HDLBP: variants seen among roughly 807,000 people sequenced by gnomAD.
HDLBP encodes high density lipoprotein binding protein, also known as vigilin.
HDLBP carries 30 observed loss-of-function variants against 137.3 expected under a neutral mutation model. The ratio of observed to expected loss-of-function variants is 0.22; its 90% confidence interval spans 0.16 to 0.30. The LOEUF (loss-of-function observed/expected upper bound fraction) is 0.30. HDLBP is among the 10% of genes least tolerant of loss of function. The pLI is 1.00. For missense variants in HDLBP, 1,119 were observed against 1,667.3 expected (o/e 0.67, Z 5.73); for synonymous variants, 606 against 596.0 (o/e 1.02, Z -0.24).
At position 241,254,638 on chromosome 2, in the gene HDLBP, C is replaced by T. The variant is rs895478763; in HGVS notation, c.1188+413G>A. Among the ~76,000 whole-genome samples, 7 of 152,204 alleles carry T rather than the reference C, an allele frequency of 4.6e-5. No homozygotes were observed. The South Asian group carries it at 1.5e-3, about 32-fold the overall frequency. Reference sequence around the variant, plus strand: ...CAGCTGGGACCACAGGTGCCCGCCACCAAGCCCGGCTAATTTTTTGTATTT... The same window carrying T: ...CAGCTGGGACCACAGGTGCCCGCCATCAAGCCCGGCTAATTTTTTGTATTT... On this transcript the variant is annotated intron_variant, in intron 9 of 27. Coordinates refer to ENST00000310931, the MANE Select transcript of HDLBP (RefSeq NM_005336.6).
intron 12 of HDLBP, chr2:241,249,295 TA>T: frequency 2.1e-6 from 1 of 470,814 alleles, no homozygotes; most frequent in Admixed American, 2.3e-5. Flanking sequence ...ACTCACGCAG[TA>T]TTTGACTTCT....
chr2:241,234,099 T>C lies in HDLBP; in HGVS notation c.3145-136A>G, dbSNP rs574021603. The stretch of plus-strand genomic sequence containing the variant: ...ACCCGTGGTCCGGAATGGTCCGCCA[T>C]CTCTCTGGTCCGACCTCTGCCACCT... On this transcript the variant is annotated intron_variant, in intron 23 of 27. Coordinates refer to ENST00000310931, the MANE Select transcript of HDLBP (RefSeq NM_005336.6). 6.2e-5 allele frequency: 59 copies of C among 953,896 alleles called. No homozygotes were observed. In the South Asian group the frequency reaches 9.2e-4, roughly 15 times the overall value. 59.1% of individuals were successfully genotyped at this position (953,896 alleles called of 1,614,324 possible).
intron 11 of HDLBP, 50 bp downstream of exon 11, chr2:241,252,907 C>A: frequency 2.3e-6 from 3 of 1,293,618 alleles, no homozygotes; most frequent in African/African-American, 1.5e-5. Flanking sequence ...ACACCCCCCA[C>A]AAGGGTCTCA....
chr2:241,253,736 T>G (rs2149473931), intron 9 of HDLBP, among the ~76,000 whole-genome samples: 1 of 152,322 alleles, frequency 6.6e-6, no homozygotes, highest in African/African-American at 2.4e-5. Context: ...GGACACCGTT[T>G]GCCCCACAGA....
chr2:241,303,048 G>A (rs1011885936), intron 1 of HDLBP, among the ~76,000 whole-genome samples: 7 of 152,158 alleles, frequency 4.6e-5, no homozygotes, highest in East Asian at 3.9e-4. Context: ...AATTCACACC[G>A]CAAAAGTTCC....
At chr2:241,254,947 T>C (rs1257194428) in intron 9 of HDLBP, 104 bp downstream of exon 9, 1 of 887,594 alleles carries the variant, frequency 1.1e-6, no homozygotes, top group Non-Finnish European at 1.9e-6. Context: ...AATACACCAG[T>C]TTTCAAGGGC....
At chr2:241,244,111 G>A (rs755805014) in intron 16 of HDLBP, among the ~76,000 whole-genome samples, 7 of 152,136 alleles carry the variant, frequency 4.6e-5, no homozygotes, top group Non-Finnish European at 8.8e-5. Flanking sequence ...AATGATATTA[G>A]ATGAAATGAG....
Position 241,259,021 on chromosome 2 carries a change from T to C in HDLBP, c.451-2215A>G, listed in dbSNP as rs557222179. On this transcript the variant is annotated intron_variant, in intron 5 of 27. Transcript: ENST00000310931. Reference sequence around the variant, plus strand: ...AACAGGAAATAGCATATGCACACGATTGCTACTGTAACATAATTTGTAACA... The same window carrying C: ...AACAGGAAATAGCATATGCACACGACTGCTACTGTAACATAATTTGTAACA... 3.9e-5 allele frequency among the ~76,000 whole-genome samples: 6 copies of C among 152,318 alleles called. No homozygotes were observed. In the South Asian group the frequency reaches 1.2e-3, roughly 32 times the overall value.
chr2:241,247,411 C>A, intron 14 of HDLBP: 1 of 479,846 alleles, frequency 2.1e-6, no homozygotes, highest in East Asian at 4.0e-5. Context: ...AAGGAAGGGG[C>A]TCAGAACACA....
At chr2:241,296,902 C>T (rs2075200776) in intron 1 of HDLBP, among the ~76,000 whole-genome samples, 1 of 152,234 alleles carries the variant, frequency 6.6e-6, no homozygotes, top group Non-Finnish European at 1.5e-5. Flanking sequence ...GTGAGGCTCA[C>T]AACAGCATGC....
rs910426842 is a variant in HDLBP at position 241,272,402 on chromosome 2, G to A, written c.-102-3861C>T. The A allele has an allele frequency of 6.1e-6, 6 of 984,266 alleles. No individual in the cohort carries two copies. The highest frequency in any genetic ancestry group is 5.2e-4 in the Middle Eastern group (1 of 1,934). 61.0% of individuals were successfully genotyped at this position (984,266 alleles called of 1,614,324 possible). ...CGCCCCTCCGCGCCGTGCGGCCACG[G>A]CACCAGGGGTGCCCCACCGAAGCCC... On this transcript the variant is annotated intron_variant, in intron 1 of 27. Transcript: ENST00000310931. This position sits in a 1 kb window ranked among gnomAD's most constrained non-coding sequence, Gnocchi z 5.6.
chr2:241,241,344 G>C (rs1204216252), intron 17 of HDLBP, among the ~76,000 whole-genome samples: 1 of 151,968 alleles, frequency 6.6e-6, no homozygotes, highest in Non-Finnish European at 1.5e-5. Flanking sequence ...GAGGCGGGCG[G>C]ATCACGAGGT....
At chr2:241,253,100 C>T (rs2072329062) in intron 10 of HDLBP, 65 bp from the exon 11 acceptor site, 1 of 1,201,960 alleles carries the variant, frequency 8.3e-7, no homozygotes, top group Non-Finnish European at 1.2e-6. Flanking sequence ...TGAACCAAAA[C>T]CCAGCAGTCT....
Position 241,236,658 on chromosome 2 carries a change from G to C in HDLBP, c.2861C>G (p.Ser954Cys). The C allele has an allele frequency of 6.2e-7, 1 of 1,614,184 alleles. No homozygotes were observed. The highest frequency in any genetic ancestry group is 8.5e-7 in the Non-Finnish European group (1 of 1,180,028). Residue 954 changes from serine (S) to cysteine (C), a missense_variant, in exon 21 of 28, where the codon TCT becomes TGT. Ser to Cys is a moderately radical substitution (Grantham distance 112, BLOSUM62 -1). Around this residue, in one of 4 missense-constraint regions of HDLBP, gnomAD observed 618 missense variants for 816.7 expected, o/e 0.76. Coordinates refer to ENST00000310931, the MANE Select transcript of HDLBP (RefSeq NM_005336.6). ...SPRRCDIIII[S>C]GRKEKCEAAK... ...AGCCTCACACTTTTCTTTCCGGCCA[G>C]AGATGATGATGATGTCACACCTCCT...
chr2:241,249,308 TGGATACTTAAA>T (rs1559500525), intron 12 of HDLBP: 2 of 470,912 alleles, frequency 4.2e-6, no homozygotes. Flanking sequence ...TTGACTTCTC[TGGATACTTAAA>T]GGCACCCAGA....
intron 1 of HDLBP, chr2:241,302,690 C>G (rs2075435558): frequency 6.6e-6 from 1 of 152,396 alleles, no homozygotes; most frequent in Admixed American, 6.5e-5. Flanking sequence ...GCCCTTTTCT[C>G]CAGTTTCCCC....
At chr2:241,244,271 A>AG in intron 16 of HDLBP, among the ~76,000 whole-genome samples, 1 of 152,206 alleles carries the variant, frequency 6.6e-6, no homozygotes, top group Admixed American at 6.5e-5. Flanking sequence ...GGAGACAGCA[A>AG]GGGGCTAACA....
intron 21 of HDLBP, 64 bp downstream of exon 21, chr2:241,236,551 G>T: frequency 5.2e-6 from 8 of 1,550,582 alleles, no homozygotes; most frequent in Non-Finnish European, 7.1e-6. Flanking sequence ...CAGGCCACGC[G>T]TCTCCCCAGG....
intron 7 of HDLBP, 31 bp downstream of exon 7, chr2:241,256,153 C>T: frequency 6.4e-7 from 1 of 1,562,492 alleles, no homozygotes; most frequent in Non-Finnish European, 8.8e-7. Flanking sequence ...TATTCCTGCC[C>T]ATGGGGATTT....
Sources: gnomAD v4.1 joint callset for allele counts (sites outside exome capture counted in the v4.1 genomes callset) on GRCh38, gnomAD v4.1.1 for gene constraint, gnomAD v4.1.1 regional missense constraint, Gnocchi (gnomAD v3.1) non-coding constraint, MANE v1.5 for transcripts, NCBI Gene and HGNC (gene_info 2026-07-23, HGNC 2026-07-21) for gene names.